The following SYT9 variants were observed in gnomAD, a reference collection of about 807,000 sequenced individuals.
SYT9 encodes synaptotagmin-9.
Under a neutral mutation model 48.4 loss-of-function variants are expected in SYT9, and 22 were observed. The observed-to-expected ratio is 0.45, with a 90% CI of 0.32 to 0.65. SYT9 has a LOEUF of 0.65. Ranked by LOEUF, SYT9 falls within the 30% of genes least tolerant of loss-of-function variation. SYT9 has a pLI of 0.03. For missense variants in SYT9, 577 were observed against 622.0 expected (o/e 0.93, Z 0.77); for synonymous variants, 265 against 245.0 (o/e 1.08, Z -0.76).
intron 2 of SYT9, among the ~76,000 whole-genome samples, chr11:7,306,789 C>T (rs1397197793): frequency 6.6e-6 from 1 of 152,296 alleles, no homozygotes; most frequent in South Asian, 2.1e-4. Flanking sequence ...GCCTTGTTTT[C>T]ATGCCTTCAC....
chr11:7,365,034 T>TCAGGCATCCAGACCCCTCCTCC (rs1293459684), intron 3 of SYT9, among the ~76,000 whole-genome samples: 1 of 152,158 alleles, frequency 6.6e-6, no homozygotes, highest in African/African-American at 2.4e-5. Flanking sequence ...AGTGTGATTT[T>TCAGGCATCCAGACCCCTCCTCC]CAGGCATCCA....
At chr11:7,279,338 A>G (rs1359875391) in intron 1 of SYT9, among the ~76,000 whole-genome samples, 1 of 152,222 alleles carries the variant, frequency 6.6e-6, no homozygotes, top group Non-Finnish European at 1.5e-5. Context: ...GCAGTTTATG[A>G]TAACCAATAT....
At chr11:7,314,290 A>G (rs1849201552) in intron 3 of SYT9, 8 of 439,804 alleles carry the variant, frequency 1.8e-5, no homozygotes, top group South Asian at 1.2e-4. Context: ...CTGGCATTCT[A>G]TTAACTGTAG....
chr11:7,243,917 A>G (rs961114722), intron 1 of SYT9, among the ~76,000 whole-genome samples: 7 of 151,932 alleles, frequency 4.6e-5, no homozygotes, highest in African/African-American at 1.7e-4. Flanking sequence ...GCCACTTTGA[A>G]AGACAGCTCT....
intron 3 of SYT9, among the ~76,000 whole-genome samples, chr11:7,399,325 A>G (rs1846831145): frequency 6.6e-6 from 1 of 152,160 alleles, no homozygotes; most frequent in South Asian, 2.1e-4. Context: ...CACTGAACCA[A>G]ACTAAAAATG....
At chr11:7,410,088 A>G (rs1293170298) in intron 3 of SYT9, among the ~76,000 whole-genome samples, 1 of 152,114 alleles carries the variant, frequency 6.6e-6, no homozygotes, top group African/African-American at 2.4e-5. Flanking sequence ...TTTCATCTTA[A>G]TTTCTTAATT....
intron 5 of SYT9, among the ~76,000 whole-genome samples, chr11:7,419,491 T>C (rs749029431): frequency 2.0e-5 from 3 of 151,606 alleles, no homozygotes; most frequent in African/African-American, 4.9e-5. Context: ...TTGGATCCCA[T>C]AGAATTAAAG....
At chr11:7,356,005 A>T (rs1315239434) in intron 3 of SYT9, among the ~76,000 whole-genome samples, 2 of 152,208 alleles carry the variant, frequency 1.3e-5, no homozygotes, top group Non-Finnish European at 2.9e-5. Flanking sequence ...AATTGGTCAC[A>T]CTCAAGCATT....
chr11:7,448,290 A>G (rs1380944167), intron 6 of SYT9, among the ~76,000 whole-genome samples: 1 of 152,268 alleles, frequency 6.6e-6, no homozygotes, highest in East Asian at 1.9e-4. Flanking sequence ...TTCTGAATGC[A>G]GCCTTTACAG....
chr11:7,367,679 A>G (rs1850278822), intron 3 of SYT9, among the ~76,000 whole-genome samples: 1 of 151,868 alleles, frequency 6.6e-6, no homozygotes, highest in African/African-American at 2.4e-5. Flanking sequence ...AGTAATTTTT[A>G]AGATCTCTTT....
intron 3 of SYT9, among the ~76,000 whole-genome samples, chr11:7,362,249 A>G (rs1850153280): frequency 6.7e-6 from 1 of 150,124 alleles, no homozygotes; most frequent in Non-Finnish European, 1.5e-5. Context: ...GGTTCAAGTG[A>G]TTCTCCTGCC....
chr11:7,413,813 T>A (rs1230660461), intron 3 of SYT9, among the ~76,000 whole-genome samples: 7 of 151,968 alleles, frequency 4.6e-5, no homozygotes, highest in African/African-American at 1.5e-4. Flanking sequence ...GCCTAAGCTG[T>A]ACTTGTACTC....
intron 1 of SYT9, among the ~76,000 whole-genome samples, chr11:7,239,256 G>A (rs1847715659): frequency 6.6e-6 from 1 of 152,162 alleles, no homozygotes; most frequent in Non-Finnish European, 1.5e-5. Flanking sequence ...GAAGGGGACT[G>A]CAGGGGTGAA....
In SYT9 at chr11:7,298,545, C is replaced by T. The variant is rs564235233; in HGVS notation, c.146-4494C>T. 3.1e-3 allele frequency among the ~76,000 whole-genome samples: 470 copies of T among 152,122 alleles called. 2 individuals are homozygous for T. The highest frequency in any genetic ancestry group is 5.6e-3 in the South Asian group (27 of 4,804). ...TTTTTTTGTCTGTTTATGTGTTCTT[C>T]CTGGCCCTTCACAGTTTAGGAAGAC... On this transcript the variant is annotated intron_variant, in intron 1 of 6. Coordinates refer to ENST00000318881, the MANE Select transcript of SYT9 (RefSeq NM_175733.4).
At chr11:7,283,084 A>G (rs1027143983) in intron 1 of SYT9, among the ~76,000 whole-genome samples, 2 of 149,698 alleles carry the variant, frequency 1.3e-5, no homozygotes, top group Non-Finnish European at 3.0e-5. Context: ...AATTCCCACT[A>G]TTCTGTAAAT....
chr11:7,432,328 G>C (rs60482180), intron 6 of SYT9, among the ~76,000 whole-genome samples: 56,026 of 151,494 alleles, frequency 0.37, 10,525 homozygotes, highest in Middle Eastern at 0.47. Flanking sequence ...AGGTGGATCA[G>C]TTGAGGTCAG....
upstream of SYT9, among the ~76,000 whole-genome samples, chr11:7,248,319 T>G (rs1188588852): frequency 6.6e-6 from 1 of 152,162 alleles, no homozygotes; most frequent in East Asian, 1.9e-4. Context: ...GCAAAAGCTC[T>G]TTAGTTTAAT....
intron 6 of SYT9, chr11:7,441,422 A>G (rs537045935): frequency 6.6e-6 from 1 of 152,356 alleles, no homozygotes; most frequent in African/African-American, 2.4e-5. Flanking sequence ...AAGTATTAGA[A>G]TACTTTTGAT....
In SYT9 at chr11:7,417,647, T is replaced by C. The variant is rs559754671; in HGVS notation, c.1166-310T>C. 3.9e-5 allele frequency among the ~76,000 whole-genome samples: 6 copies of C among 152,382 alleles called. No individual in the cohort carries two copies. The South Asian group carries it at 1.0e-3, about 26-fold the overall frequency. On this transcript the variant is annotated intron_variant, in intron 4 of 6. Transcript: ENST00000318881. ...GGAAATGCTGGTGCATTTCTCTTGC[T>C]ATCCTGGCCAGGCCAGTCTTGAGTT...
Sources: allele counts gnomAD v4.1 joint callset (sites outside exome capture counted in the v4.1 genomes callset), GRCh38; gene constraint gnomAD v4.1.1; transcripts MANE v1.5; gene names NCBI Gene and HGNC (gene_info 2026-07-23, HGNC 2026-07-21).